ELOB: variants seen among roughly 807,000 people sequenced by gnomAD.
ELOB encodes elongin-B.
A neutral mutation model predicts 12.9 loss-of-function variants in ELOB; 3 were observed. The observed-to-expected ratio is 0.23, with a 90% CI of 0.11 to 0.60. ELOB has a LOEUF of 0.60. ELOB is among the 20% of genes least tolerant of loss of function. The pLI, the probability that ELOB is intolerant of heterozygous loss-of-function variation, is 0.89. For missense variants in ELOB, 126 were observed against 159.2 expected (o/e 0.79, Z 1.12); for synonymous variants, 84 against 67.4 (o/e 1.25, Z -1.21).
At chr16:2,774,777 G>A (rs1212374529) in intron 3 of ELOB, among the ~76,000 whole-genome samples, 3 of 150,662 alleles carry the variant, frequency 2.0e-5, no homozygotes, top group Non-Finnish European at 4.4e-5. Context: ...ATCTTGGCGA[G>A]TAGTAAACCA....
In ELOB at chr16:2,771,613, G is replaced by T. The variant is rs1183442638; in HGVS notation, c.*377C>A. ...GGGAGTGGACATGCAGGCTATGGGG[G>T]TGGGGGGCACTTAGAAGGAGAAAGG... On this transcript the variant is annotated 3_prime_UTR_variant, in exon 4 of 4. Transcript: ENST00000409906. 1.2e-6 allele frequency: 2 copies of T among 1,614,064 alleles called. No individual in the cohort carries two copies. The highest frequency in any genetic ancestry group is 3.3e-5 in the Admixed American group (2 of 60,014).
chr16:2,777,042 A>G lies in ELOB; in HGVS notation c.89T>C (p.Ile30Thr), dbSNP rs1278281085. 1.2e-6 allele frequency: 2 copies of G among 1,606,846 alleles called. No homozygotes were observed. The highest frequency in any genetic ancestry group is 2.2e-5 in the East Asian group (1 of 44,454). The change falls in exon 2 of 4, where the codon ATC (isoleucine) becomes ACC (threonine). Residue 30 changes from isoleucine (I) to threonine (T), a missense_variant. Coordinates refer to ENST00000409906, the MANE Select transcript of ELOB (RefSeq NM_007108.4). The part of the protein sequence containing the change: ...ESSTVFELKR[I>T]VEGILKRPPD... ...AGGCCGCTTGAGGATGCCCTCGACG[A>G]TGCGCTTCAGTTCGAACACCGTGCT...
At chr16:2,776,935 G>C in intron 2 of ELOB, 58 bp downstream of exon 2, 1 of 1,520,334 alleles carries the variant, frequency 6.6e-7, no homozygotes, top group South Asian at 1.2e-5. Context: ...CAGCGTAGGC[G>C]TCAGCCCCGT....
chr16:2,773,331 C>T (rs576056853), intron 3 of ELOB, among the ~76,000 whole-genome samples: 103 of 152,254 alleles, frequency 6.8e-4, no homozygotes, highest in African/African-American at 2.5e-3. Context: ...CAAGGCAACC[C>T]ACACAGCAAT....
Position 2,771,737 on chromosome 16 carries a change from TAGCTGCTA to T in ELOB, c.*245_*252del. 1 of 1,529,250 alleles carries T rather than the reference TAGCTGCTA, an allele frequency of 6.5e-7. No homozygotes were observed. The highest frequency in any genetic ancestry group is 8.8e-7 in the Non-Finnish European group (1 of 1,142,222). The allele number at this position is 1,529,250 out of a possible 1,614,324, so 94.7% of individuals were successfully genotyped here. A position where few individuals can be genotyped will look rare whatever the true frequency, so the allele number is the denominator to read the frequency against. ...CCCTGGCGTGGTTGGTGTGGCTGGC[TAGCTGCTA>T]ACAATGGCTTGGGTCTCAGGGCAAC... On this transcript the variant is annotated 3_prime_UTR_variant, in exon 4 of 4. Transcript: ENST00000409906.
At chr16:2,772,328 C>G in intron 3 of ELOB, 2 of 386,808 alleles carry the variant, frequency 5.2e-6, no homozygotes, top group Non-Finnish European at 4.5e-6. Context: ...CCAGCCCTTC[C>G]CACTGACCAT....
At chr16:2,776,404 A>T (rs141375414) in intron 2 of ELOB, among the ~76,000 whole-genome samples, 1 of 152,172 alleles carries the variant, frequency 6.6e-6, no homozygotes, top group African/African-American at 2.4e-5. Flanking sequence ...TGACTCCCCA[A>T]TGCAGACCCC....
At chr16:2,772,696 C>G (rs1189968882) in intron 3 of ELOB, among the ~76,000 whole-genome samples, 2 of 151,426 alleles carry the variant, frequency 1.3e-5, no homozygotes, top group African/African-American at 4.9e-5. Context: ...GCGACACAGA[C>G]TCCATCTCAA....
Position 2,771,891 on chromosome 16 carries a change from G to T in ELOB, c.*99C>A. 6.7e-7 allele frequency: 1 copy of T among 1,488,892 alleles called. No homozygotes were observed. The highest frequency in any genetic ancestry group is 9.0e-7 in the Non-Finnish European group (1 of 1,116,816). The allele number at this position is 1,488,892 out of a possible 1,614,324, so 92.2% of individuals were successfully genotyped here. ...CACAAGCCCCAAAAGGAGCCCACAG[G>T]GAGTGGGACCCATCCCAGGGAGGGG... On this transcript the variant is annotated 3_prime_UTR_variant, in exon 4 of 4. Transcript: ENST00000409906.
Position 2,777,232 on chromosome 16 carries a change from C to G in ELOB, c.3+5G>C. 4 of 1,018,456 alleles carry G rather than the reference C, an allele frequency of 3.9e-6. No homozygotes were observed. The highest frequency in any genetic ancestry group is 4.7e-6 in the Non-Finnish European group (4 of 851,310). 63.1% of individuals were successfully genotyped at this position (1,018,456 alleles called of 1,614,324 possible). A position where few individuals can be genotyped will look rare whatever the true frequency, so the allele number is the denominator to read the frequency against. The stretch of plus-strand genomic sequence containing the variant: ...CCCGGCCGCCCCTCCCCCACGCCCG[C>G]TCACCATCGCGGCTGCTGCCTCTCC... On this transcript the variant is annotated splice_donor_5th_base_variant and intron_variant, in intron 1 of 3. Transcript: ENST00000409906.
intron 2 of ELOB, 82 bp from the exon 3 acceptor site, chr16:2,775,638 T>C (rs924096247): frequency 7.1e-6 from 8 of 1,119,870 alleles, no homozygotes; most frequent in Non-Finnish European, 9.0e-6. Flanking sequence ...ACACGGGAAG[T>C]CAGAGGAGGG....
chr16:2,777,245 C>G lies in ELOB; in HGVS notation c.-6G>C, dbSNP rs1218673407. ...CCCCCACGCCCGCTCACCATCGCGG[C>G]TGCTGCCTCTCCCCTCGACGCGCCG... On this transcript the variant is annotated 5_prime_UTR_variant, in exon 1 of 4. Transcript: ENST00000409906. 2.0e-6 allele frequency: 2 copies of G among 1,024,102 alleles called. No homozygotes were observed. The highest frequency in any genetic ancestry group is 4.7e-4 in the Middle Eastern group (1 of 2,130). 63.4% of individuals were successfully genotyped at this position (1,024,102 alleles called of 1,614,324 possible). A position where few individuals can be genotyped will look rare whatever the true frequency, so the allele number is the denominator to read the frequency against.
At chr16:2,775,681 A>G in intron 2 of ELOB, 125 bp from the exon 3 acceptor site, 1 of 631,912 alleles carries the variant, frequency 1.6e-6, no homozygotes, top group Non-Finnish European at 2.7e-6. Context: ...GCCCAGGACC[A>G]CCACGCTGCT....
At chr16:2,776,890 C>A in intron 2 of ELOB, 103 bp downstream of exon 2, 1 of 1,411,350 alleles carries the variant, frequency 7.1e-7, no homozygotes, top group South Asian at 1.3e-5. Context: ...CGGGCGCCCG[C>A]AGGCGTCGCC....
At chr16:2,774,624 T>C (rs1439180894) in intron 3 of ELOB, among the ~76,000 whole-genome samples, 1 of 152,262 alleles carries the variant, frequency 6.6e-6, no homozygotes, top group African/African-American at 2.4e-5. Flanking sequence ...AAGAATTCCT[T>C]ACAACTTTAT....
Position 2,776,994 on chromosome 16 carries a change from T to G in ELOB, c.137A>C (p.Lys46Thr). The G allele has an allele frequency of 1.3e-6, 2 of 1,575,044 alleles. No individual in the cohort carries two copies. The highest frequency in any genetic ancestry group is 1.7e-6 in the Non-Finnish European group (2 of 1,162,428). The change falls in exon 2 of 4, where the codon AAG (lysine) becomes ACG (threonine). Residue 46 changes from lysine (K) to threonine (T), a missense_variant and splice_region_variant. Coordinates refer to ENST00000409906, the MANE Select transcript of ELOB (RefSeq NM_007108.4). ...CCTCGGCCCGCCCGCGGGACCCACC[T>G]TGTACAGCCGCTGCTCGTCAGGAGG... ...KRPPDEQRLY[K>T]DDQLLDDGKT...
intron 3 of ELOB, chr16:2,772,639 G>A (rs551422283): frequency 6.6e-6 from 1 of 151,814 alleles, no homozygotes; most frequent in African/African-American, 2.4e-5. Flanking sequence ...GAACCCGGGA[G>A]GCGGAGCTTG....
Position 2,771,686 on chromosome 16 carries a change from T to TCTCTCCCAGTCCTTCC in ELOB, c.*288_*303dup. 2 of 1,593,302 alleles carry TCTCTCCCAGTCCTTCC rather than the reference T, an allele frequency of 1.3e-6. No individual in the cohort carries two copies. Among genetic ancestry groups the TCTCTCCCAGTCCTTCC allele is most frequent in the Non-Finnish European group, 1.7e-6 (2 of 1,170,344 alleles). On this transcript the variant is annotated 3_prime_UTR_variant, in exon 4 of 4. Transcript: ENST00000409906. ...CCTGAGGCTGGCTCTGGTCTTTGTG[T>TCTCTCCCAGTCCTTCC]CTCTCCCAGTCCTTCCCTTTCCTCC...
chr16:2,776,919 C>T, intron 2 of ELOB, 74 bp downstream of exon 2: 2 of 1,487,152 alleles, frequency 1.3e-6, no homozygotes, highest in Middle Eastern at 2.4e-4. Flanking sequence ...CTGTTTACAT[C>T]GCGGACAGCG....
Sources: gnomAD v4.1 joint callset for allele counts (sites outside exome capture counted in the v4.1 genomes callset) on GRCh38, gnomAD v4.1.1 for gene constraint, MANE v1.5 for transcripts, NCBI Gene and HGNC (gene_info 2026-07-23, HGNC 2026-07-21) for gene names.